The following CDK8 variants were observed in gnomAD, a reference collection of about 807,000 sequenced individuals.
CDK8 encodes the protein cyclin dependent kinase 8, also known as cyclin-dependent kinase 8.
CDK8 carries 29 observed loss-of-function variants against 71.5 expected under a neutral mutation model. The observed-to-expected ratio is 0.41, with a 90% CI of 0.30 to 0.55. CDK8 has a LOEUF of 0.55. Ranked by LOEUF, CDK8 falls within the 20% of genes least tolerant of loss-of-function variation. The pLI is 0.37. For synonymous variants in CDK8, 161 were observed against 192.1 expected (o/e 0.84, Z 1.34); for missense variants, 288 against 572.6 (o/e 0.50, Z 5.07).
chr13:26,378,104 C>T lies in CDK8; in HGVS notation c.457-4710C>T, dbSNP rs182759254. On this transcript the variant is annotated intron_variant, in intron 4 of 12. Coordinates refer to ENST00000381527, the MANE Select transcript of CDK8 (RefSeq NM_001260.3). ...GTAAATATCTGAAGACTTCATTTCA[C>T]CCCTGGAATAAAGTTATTGCCGTTA... Among the ~76,000 whole-genome samples, 12 of 152,338 alleles carry T rather than the reference C, an allele frequency of 7.9e-5. 3 individuals are homozygous for T. In the East Asian group the frequency reaches 2.3e-3, roughly 29 times the overall value.
chr13:26,401,298 C>CA lies in CDK8; in HGVS notation c.1065dup (p.Arg356ThrfsTer10), dbSNP rs1189857336. The CA allele has an allele frequency of 6.2e-7, 1 of 1,613,938 alleles. No homozygotes were observed. Among genetic ancestry groups the CA allele is most frequent in the Non-Finnish European group, 8.5e-7 (1 of 1,179,998 alleles). ...TTTGCCGGTTGTCAAATCCCTTACC[C>CA]AAAACGAGAATTTTTAACGGAAGAA... is the stretch of plus-strand genomic sequence containing the variant. On this transcript the variant is annotated frameshift_variant, in exon 11 of 13. Coordinates refer to ENST00000381527, the MANE Select transcript of CDK8 (RefSeq NM_001260.3). LOFTEE classifies it high-confidence loss of function. This position sits in a 1 kb window ranked among gnomAD's most constrained non-coding sequence, Gnocchi z 4.5.
At chr13:26,310,703 T>A (rs1187069119) in intron 1 of CDK8, among the ~76,000 whole-genome samples, 1 of 152,148 alleles carries the variant, frequency 6.6e-6, no homozygotes, top group African/African-American at 2.4e-5. Flanking sequence ...GCTGCTCACC[T>A]CGTGCTGTGC....
chr13:26,290,468 T>C (rs989900839), intron 1 of CDK8, among the ~76,000 whole-genome samples: 1 of 152,146 alleles, frequency 6.6e-6, no homozygotes, highest in African/African-American at 2.4e-5. Context: ...TTATAGGAGC[T>C]AAGAAAACGG....
Position 26,254,682 on chromosome 13 carries a change from A to G in CDK8, c.41A>G (p.Glu14Gly). 6.2e-7 allele frequency: 1 copy of G among 1,611,986 alleles called. No homozygotes were observed. Among genetic ancestry groups the G allele is most frequent in the Non-Finnish European group, 8.5e-7 (1 of 1,178,948 alleles). The stretch of plus-strand genomic sequence containing the variant: ...AAAGTGAAGCTGAGCAGCGAGCGGG[A>G]GCGGGTCGAGGACCTGTTTGAATAC... Reference protein sequence around the residue: ...DFKVKLSSERERVEDLFEYEG... With the variant: ...DFKVKLSSERGRVEDLFEYEG... Residue 14 changes from glutamate to glycine, a missense_variant, in exon 1 of 13, where the codon GAG becomes GGG. Glu to Gly is a moderately conservative substitution (Grantham distance 98). Coordinates refer to ENST00000381527, the MANE Select transcript of CDK8 (RefSeq NM_001260.3). This position sits in a 1 kb window ranked among gnomAD's most constrained non-coding sequence, Gnocchi z 6.7.
At chr13:26,264,589 CAGGGTACTT>C (rs1225151029) in intron 1 of CDK8, among the ~76,000 whole-genome samples, 1 of 152,200 alleles carries the variant, frequency 6.6e-6, no homozygotes, top group Admixed American at 6.5e-5. Context: ...GTGGTGAAGT[CAGGGTACTT>C]AGGAAGTTCA....
chr13:26,321,020 C>T lies in CDK8; in HGVS notation c.129-16547C>T, dbSNP rs528019161. On this transcript the variant is annotated intron_variant, in intron 1 of 12. Transcript: ENST00000381527. ...CAGCAATTCCACTTCTGGGTATATA[C>T]CCAAAAGAATTCAAAGGAGGCCTTC... Among the ~76,000 whole-genome samples the T allele has an allele frequency of 1.8e-4, 27 of 152,116 alleles. No homozygotes were observed. The South Asian group carries it at 2.5e-3, about 14-fold the overall frequency.
At chr13:26,347,367 A>G (rs1207189736) in intron 2 of CDK8, among the ~76,000 whole-genome samples, 2 of 152,186 alleles carry the variant, frequency 1.3e-5, no homozygotes, top group Non-Finnish European at 2.9e-5. Context: ...CTTAATTTTC[A>G]TATGATAATT....
chr13:26,396,982 A>T (rs1175348991), intron 8 of CDK8, among the ~76,000 whole-genome samples, 171 bp from the exon 9 acceptor site: 1 of 152,062 alleles, frequency 6.6e-6, no homozygotes, highest in Non-Finnish European at 1.5e-5. Context: ...ACCATTGTGG[A>T]TATTGAATGA....
chr13:26,336,471 C>T (rs1251573450), intron 1 of CDK8, among the ~76,000 whole-genome samples: 1 of 151,086 alleles, frequency 6.6e-6, no homozygotes, highest in Non-Finnish European at 1.5e-5. Flanking sequence ...CAGTAATTTT[C>T]AAGAGAATAA....
At chr13:26,283,984 A>G (rs1872885096) in intron 1 of CDK8, among the ~76,000 whole-genome samples, 1 of 152,184 alleles carries the variant, frequency 6.6e-6, no homozygotes, top group African/African-American at 2.4e-5. Context: ...CAACTCCAAA[A>G]GGAACCATCA....
intron 6 of CDK8, among the ~76,000 whole-genome samples, chr13:26,392,812 A>G (rs1468900877): frequency 6.6e-6 from 1 of 152,212 alleles, no homozygotes; most frequent in Non-Finnish European, 1.5e-5. Flanking sequence ...TCTTGGTGGA[A>G]TACCACCTTA....
chr13:26,318,688 T>A (rs1874625532), intron 1 of CDK8, among the ~76,000 whole-genome samples: 1 of 152,166 alleles, frequency 6.6e-6, no homozygotes, highest in South Asian at 2.1e-4. Flanking sequence ...TATACCACAT[T>A]AACAGAATGA....
intron 4 of CDK8, among the ~76,000 whole-genome samples, chr13:26,355,491 T>C (rs1034015130): frequency 2.0e-5 from 3 of 152,128 alleles, no homozygotes; most frequent in African/African-American, 7.2e-5. Flanking sequence ...GGTGGGCACC[T>C]GTAATCCCAG....
intron 1 of CDK8, among the ~76,000 whole-genome samples, chr13:26,328,463 G>A (rs772532700): frequency 9.9e-5 from 15 of 152,270 alleles, no homozygotes; most frequent in Non-Finnish European, 1.8e-4. Flanking sequence ...CTCCAGAACA[G>A]GCTCCTAAAC....
chr13:26,388,978 A>G (rs761197859), intron 6 of CDK8, among the ~76,000 whole-genome samples: 10 of 152,234 alleles, frequency 6.6e-5, no homozygotes, highest in Admixed American at 1.3e-4. Flanking sequence ...CAGTATGAAT[A>G]TATGCATACA....
chr13:26,400,756 A>C (rs1459646019), intron 10 of CDK8, among the ~76,000 whole-genome samples: 2 of 152,114 alleles, frequency 1.3e-5, no homozygotes, highest in Non-Finnish European at 2.9e-5. Context: ...TTGCTTTATG[A>C]AATGCTGATC....
At chr13:26,255,947 T>G (rs1871505374) in intron 1 of CDK8, among the ~76,000 whole-genome samples, 1 of 152,194 alleles carries the variant, frequency 6.6e-6, no homozygotes, top group South Asian at 2.1e-4. Flanking sequence ...ACTTTAGTAT[T>G]CTGGATGTTG....
intron 1 of CDK8, among the ~76,000 whole-genome samples, chr13:26,263,924 C>T (rs1377554297): frequency 1.3e-5 from 2 of 151,104 alleles, no homozygotes; most frequent in Non-Finnish European, 2.9e-5. Flanking sequence ...TTTTTTTGTA[C>T]TTTTAGTAGA....
intron 1 of CDK8, among the ~76,000 whole-genome samples, chr13:26,257,058 A>C (rs1871555193): frequency 6.6e-6 from 1 of 152,134 alleles, no homozygotes; most frequent in Non-Finnish European, 1.5e-5. Flanking sequence ...GGTAAAATAA[A>C]ATTTGTGGCT....
Sources: gnomAD v4.1 joint callset for allele counts (sites outside exome capture counted in the v4.1 genomes callset) on GRCh38, gnomAD v4.1.1 for gene constraint, Gnocchi (gnomAD v3.1) non-coding constraint, MANE v1.5 for transcripts, NCBI Gene and HGNC (gene_info 2026-07-23, HGNC 2026-07-21) for gene names.